EIF1B: variants seen among roughly 807,000 people sequenced by gnomAD.
The protein encoded by EIF1B is eukaryotic translation initiation factor 1B.
A neutral mutation model predicts 14.8 loss-of-function variants in EIF1B; 5 were observed. The ratio of observed to expected loss-of-function variants is 0.34; its 90% CI spans 0.18 to 0.71. EIF1B has a LOEUF of 0.71. Among genes scored for constraint, EIF1B ranks in the 30% least tolerant of loss-of-function variants. The probability of loss-of-function intolerance (pLI) is 0.64; values close to 1 mark genes in which losing one functional copy is unlikely to be tolerated. For synonymous variants in EIF1B, 45 were observed against 45.8 expected (o/e 0.98, Z 0.07); for missense variants, 56 against 134.0 (o/e 0.42, Z 2.87).
At chr3:40,310,453 G>A (rs897615054) in intron 1 of EIF1B, among the ~76,000 whole-genome samples, 1 of 150,840 alleles carries the variant, frequency 6.6e-6, no homozygotes, top group Non-Finnish European at 1.5e-5. Flanking sequence ...GTTAAATTAC[G>A]CCTCTTGATA....
Position 40,309,778 on chromosome 3 carries a change from C to A in EIF1B, c.-164C>A, listed in dbSNP as rs969524791. On this transcript the variant is annotated 5_prime_UTR_variant, in exon 1 of 4. Transcript: ENST00000232905. ...CCGCCTCCTCCTTCGCCTCTTCCTG[C>A]CTCCTCCCGGCTTCCGCCGCCGCCA... 2 of 751,598 alleles carry A rather than the reference C, an allele frequency of 2.7e-6. No homozygotes were observed. The highest frequency in any genetic ancestry group is 4.7e-5 in the Admixed American group (2 of 42,240). 46.6% of individuals were successfully genotyped at this position (751,598 alleles called of 1,614,324 possible). A position where few individuals can be genotyped will look rare whatever the true frequency, so the allele number is the denominator to read the frequency against.
Position 40,309,852 on chromosome 3 carries a change from C to A in EIF1B, c.-90C>A. ...GGCGAAGCGTTTTCTTATTTATTTC[C>A]GTTTTCTCGCCACTACAGCCTCCTG... On this transcript the variant is annotated 5_prime_UTR_variant, in exon 1 of 4. Coordinates refer to ENST00000232905, the MANE Select transcript of EIF1B (RefSeq NM_005875.3). 6.8e-7 allele frequency: 1 copy of A among 1,469,120 alleles called. No homozygotes were observed. The highest frequency in any genetic ancestry group is 9.5e-7 in the Non-Finnish European group (1 of 1,053,700). The allele number at this position is 1,469,120 out of a possible 1,614,324, so 91.0% of individuals were successfully genotyped here. A position where few individuals can be genotyped will look rare whatever the true frequency, so the allele number is the denominator to read the frequency against.
chr3:40,310,722 G>C (rs1191351425), intron 1 of EIF1B, 171 bp from the exon 2 acceptor site: 4 of 573,934 alleles, frequency 7.0e-6, no homozygotes, highest in Non-Finnish European at 1.2e-5. Context: ...GTATCTTGGG[G>C]GTTTTATTAA....
chr3:40,310,810 G>T, intron 1 of EIF1B, 83 bp from the exon 2 acceptor site: 2 of 1,387,810 alleles, frequency 1.4e-6, no homozygotes, highest in African/African-American at 2.9e-5. Context: ...GTCTGGATTG[G>T]TAGTATAATG....
In EIF1B at chr3:40,309,805, T is replaced by A. The variant is rs972329963; in HGVS notation, c.-137T>A. 1 of 1,056,982 alleles carries A rather than the reference T, an allele frequency of 9.5e-7. No homozygotes were observed. Among genetic ancestry groups the A allele is most frequent in the Non-Finnish European group, 1.4e-6 (1 of 710,650 alleles). The allele number at this position is 1,056,982 out of a possible 1,614,324, so 65.5% of individuals were successfully genotyped here. A position where few individuals can be genotyped will look rare whatever the true frequency, so the allele number is the denominator to read the frequency against. On this transcript the variant is annotated 5_prime_UTR_variant, in exon 1 of 4. Coordinates refer to ENST00000232905, the MANE Select transcript of EIF1B (RefSeq NM_005875.3). ...TCCTCCCGGCTTCCGCCGCCGCCAC[T>A]CCAGCCTAATCCCAACCCCAGGGCG...
Position 40,309,898 on chromosome 3 carries a change from C to A in EIF1B, c.-44C>A, listed in dbSNP as rs11541149. 6.2e-7 allele frequency: 1 copy of A among 1,610,160 alleles called. No individual in the cohort carries two copies. The highest frequency in any genetic ancestry group is 2.2e-5 in the East Asian group (1 of 44,822). ...TCCTGACAAGGTGATCCGGGCGGGC[C>A]CCGCAGGAATTTTATCCCCTCACCG... On this transcript the variant is annotated 5_prime_UTR_variant, in exon 1 of 4. Transcript: ENST00000232905.
At position 40,310,917 on chromosome 3, in the gene EIF1B, G is replaced by A; in HGVS notation, c.56G>A (p.Gly19Asp). The change falls in exon 2 of 4, where the codon GGT becomes GAT. Residue 19 changes from glycine to aspartate, a missense_variant. This residue lies in a region of EIF1B where 20 missense variants were observed against 29.2 expected (regional missense o/e 0.69). Transcript: ENST00000232905. Reference protein sequence around the residue: ...SFDPFADATKGDDLLPAGTED... With the variant: ...SFDPFADATKDDDLLPAGTED... ...GACCCCTTTGCTGATGCAACTAAGG[G>A]TGACGACTTACTCCCGGCAGGGACT... is the stretch of plus-strand genomic sequence containing the variant. 6.2e-7 allele frequency: 1 copy of A among 1,610,802 alleles called. No homozygotes were observed. Among genetic ancestry groups the A allele is most frequent in the Non-Finnish European group, 8.5e-7 (1 of 1,178,718 alleles).
Position 40,312,138 on chromosome 3 carries a change from A to G in EIF1B, c.*124A>G. 1.4e-6 allele frequency: 1 copy of G among 727,628 alleles called. No individual in the cohort carries two copies. The highest frequency in any genetic ancestry group is 1.6e-5 in the South Asian group (1 of 62,220). The allele number at this position is 727,628 out of a possible 1,614,324, so 45.1% of individuals were successfully genotyped here. A position where few individuals can be genotyped will look rare whatever the true frequency, so the allele number is the denominator to read the frequency against. On this transcript the variant is annotated 3_prime_UTR_variant, in exon 4 of 4. Coordinates refer to ENST00000232905, the MANE Select transcript of EIF1B (RefSeq NM_005875.3). Reference sequence around the variant, plus strand: ...CATTTATTTAATCATTCAAACTTCCATTCACATCTGCATGATTACAGAAAA... The same window carrying G: ...CATTTATTTAATCATTCAAACTTCCGTTCACATCTGCATGATTACAGAAAA...
chr3:40,311,185 A>C, intron 2 of EIF1B, 129 bp downstream of exon 2: 1 of 879,858 alleles, frequency 1.1e-6, no homozygotes, highest in Non-Finnish European at 1.7e-6. Flanking sequence ...TTTTGTAATT[A>C]ACATGTAAAT....
intron 1 of EIF1B, chr3:40,310,494 C>T (rs1954311086): frequency 5.4e-6 from 1 of 184,970 alleles, no homozygotes; most frequent in African/African-American, 2.3e-5. Context: ...TTTGGCAAGG[C>T]ACAGTTACGG....
chr3:40,310,286 G>A (rs1452900690), intron 1 of EIF1B, among the ~76,000 whole-genome samples: 1 of 152,204 alleles, frequency 6.6e-6, no homozygotes. Flanking sequence ...CTCCTAGATC[G>A]GCCCTGCTAC....
Position 40,309,721 on chromosome 3 carries a change from C to A in EIF1B, c.-221C>A. ...CCATTTTGTGCGAGAAGCCGCAGCG[C>A]CGCCTCTTCTCTCGCGCCCTCGCCT... On this transcript the variant is annotated 5_prime_UTR_variant, in exon 1 of 4. Coordinates refer to ENST00000232905, the MANE Select transcript of EIF1B (RefSeq NM_005875.3). 1.7e-6 allele frequency: 1 copy of A among 572,806 alleles called. No homozygotes were observed. The highest frequency in any genetic ancestry group is 2.9e-5 in the East Asian group (1 of 33,976). The allele number at this position is 572,806 out of a possible 1,614,324, so 35.5% of individuals were successfully genotyped here. A position where few individuals can be genotyped will look rare whatever the true frequency, so the allele number is the denominator to read the frequency against.
rs982171071 is a variant in EIF1B at position 40,309,719 on chromosome 3, C to T, written c.-223C>T. On this transcript the variant is annotated 5_prime_UTR_variant, in exon 1 of 4. Coordinates refer to ENST00000232905, the MANE Select transcript of EIF1B (RefSeq NM_005875.3). ...GGCCATTTTGTGCGAGAAGCCGCAG[C>T]GCCGCCTCTTCTCTCGCGCCCTCGC... The T allele has an allele frequency of 2.3e-5, 13 of 576,864 alleles. No homozygotes were observed. The highest frequency in any genetic ancestry group is 3.1e-5 in the Non-Finnish European group (10 of 326,452). The allele number at this position is 576,864 out of a possible 1,614,324, so 35.7% of individuals were successfully genotyped here.
Position 40,312,345 on chromosome 3 carries a change from T to TAA in EIF1B, c.*339_*340dup, listed in dbSNP as rs3836541. ...AACCATGTACGTTGCAGCTTAACAA[T>TAA]AAAAAAAAATCTATGAATCTTTGTG... On this transcript the variant is annotated 3_prime_UTR_variant, in exon 4 of 4. Transcript: ENST00000232905. 1,857 of 188,500 alleles carry TAA rather than the reference T, an allele frequency of 9.9e-3. 11 individuals carry two copies. The highest frequency in any genetic ancestry group is 0.012 in the Admixed American group (203 of 16,246). 11.7% of individuals were successfully genotyped at this position (188,500 alleles called of 1,614,324 possible). A position where few individuals can be genotyped will look rare whatever the true frequency, so the allele number is the denominator to read the frequency against.
chr3:40,309,917 C>G lies in EIF1B; in HGVS notation c.-25C>G, dbSNP rs758485128. On this transcript the variant is annotated 5_prime_UTR_variant, in exon 1 of 4. Transcript: ENST00000232905. ...GCGGGCCCCGCAGGAATTTTATCCCCTCACCGGCCTCACACTAGTATCGCA... is the reference window on the plus strand; with the variant it reads ...GCGGGCCCCGCAGGAATTTTATCCCGTCACCGGCCTCACACTAGTATCGCA... 5.0e-6 allele frequency: 8 copies of G among 1,613,660 alleles called. No homozygotes were observed. The Admixed American group carries it at 1.3e-4, about 27-fold the overall frequency.
chr3:40,311,205 T>C, intron 2 of EIF1B, 149 bp downstream of exon 2: 1 of 760,564 alleles, frequency 1.3e-6, no homozygotes, highest in Non-Finnish European at 2.0e-6. Context: ...TATTTAGTTA[T>C]TCTCCCAGTG....
intron 1 of EIF1B, chr3:40,310,559 CGAG>C (rs1279323775): frequency 4.7e-6 from 1 of 213,248 alleles, no homozygotes; most frequent in Non-Finnish European, 9.2e-6. Context: ...AGAATGTAAT[CGAG>C]ATGACGCACA....
intron 1 of EIF1B, among the ~76,000 whole-genome samples, 182 bp downstream of exon 1, chr3:40,310,154 G>C: frequency 6.6e-6 from 1 of 152,164 alleles, no homozygotes; most frequent in South Asian, 2.1e-4. Flanking sequence ...GGACAGCGCC[G>C]GACTCCGAGC....
intron 1 of EIF1B, chr3:40,310,552 A>G (rs1287508176): frequency 4.8e-6 from 1 of 209,310 alleles, no homozygotes; most frequent in African/African-American, 2.3e-5. Context: ...TTTCATCAGA[A>G]TGTAATCGAG....
Sources: allele counts gnomAD v4.1 joint callset (sites outside exome capture counted in the v4.1 genomes callset), GRCh38; gene constraint gnomAD v4.1.1; regional missense constraint gnomAD v4.1.1; transcripts MANE v1.5; gene names NCBI Gene and HGNC (gene_info 2026-07-23, HGNC 2026-07-21).